BRWD3: variants seen among roughly 807,000 people sequenced by gnomAD.
BRWD3 encodes bromodomain and WD repeat domain containing 3.
A neutral mutation model predicts 149.7 loss-of-function variants in BRWD3; 10 were observed. That is an observed-to-expected ratio of 0.07 (90% CI 0.04 to 0.11). The LOEUF (loss-of-function observed/expected upper bound fraction) is 0.11, where lower values mean the gene tolerates loss of function less well. Ranked by LOEUF, BRWD3 falls within the 10% of genes least tolerant of loss-of-function variation. The probability of loss-of-function intolerance (pLI) is 1.00; values close to 1 mark genes in which losing one functional copy is unlikely to be tolerated. For missense variants in BRWD3, 940 were observed against 1,373.2 expected, an observed-to-expected ratio of 0.68 and a Z score of 4.99; for synonymous variants, 504 against 456.7, an observed-to-expected ratio of 1.10 and a Z score of -1.32.
chrX:80,725,751 CAT>C (rs1491334181), intron 14 of BRWD3, among the ~76,000 whole-genome samples: 1 of 107,924 alleles, frequency 9.3e-6, no homozygotes, highest in Non-Finnish European at 1.9e-5. Context: ...GCCTATATAA[CAT>C]ATAACATGTT....
At chrX:80,794,657 C>A (rs936573995) in intron 4 of BRWD3, among the ~76,000 whole-genome samples, 23 of 110,101 alleles carry the variant, frequency 2.1e-4, no homozygotes, top group African/African-American at 5.9e-4. Context: ...GAAACAGTCA[C>A]AAAATCAGCA....
intron 20 of BRWD3, chrX:80,710,633 G>A (rs878862673): frequency 1.7e-6 from 1 of 575,049 alleles, no homozygotes; most frequent in South Asian, 2.2e-5. Flanking sequence ...TTGAAGAAAG[G>A]CCACAGAGAA....
rs776337491 is a variant in BRWD3, at chrX:80,691,885, G to GCCC, written c.3416_3418dup (p.Gly1139dup). On this transcript the variant is annotated inframe_insertion, in exon 30 of 41. Coordinates refer to ENST00000373275, the MANE Select transcript of BRWD3 (RefSeq NM_153252.5). ...TTCACATTCTTCGTCTCTGGAATGAGCCCCCCACTCTCCTTCCTGGGGTTT... is the reference window on the plus strand; with the variant it reads ...TTCACATTCTTCGTCTCTGGAATGAGCCCCCCCCCACTCTCCTTCCTGGGGTTT... 1 of 1,210,162 alleles carries GCCC rather than the reference G, an allele frequency of 8.3e-7. No homozygotes were observed. Among genetic ancestry groups the GCCC allele is most frequent in the Admixed American group, 2.2e-5 (1 of 45,787 alleles).
intron 8 of BRWD3, among the ~76,000 whole-genome samples, chrX:80,742,408 C>CCG (rs1346003830): frequency 1.3e-4 from 8 of 59,313 alleles, no homozygotes; most frequent in African/African-American, 4.7e-4. Flanking sequence ...TTTTTTGGTT[C>CCG]TGTAGTTTTT....
intron 8 of BRWD3, among the ~76,000 whole-genome samples, chrX:80,740,508 G>A (rs1036965805): frequency 1.8e-5 from 2 of 112,209 alleles, no homozygotes; most frequent in African/African-American, 6.5e-5. Flanking sequence ...AATTTGGGAA[G>A]CCAAAGCCAG....
At chrX:80,712,882 C>T (rs866450052) in intron 20 of BRWD3, among the ~76,000 whole-genome samples, 8 of 94,341 alleles carry the variant, frequency 8.5e-5, no homozygotes, top group Admixed American at 4.4e-4. Context: ...GCAACTGCCC[C>T]GTCTGAGAAG....
Position 80,677,182 on chromosome X carries a change from A to T in BRWD3, c.4836T>A (p.Ser1612Arg). The change falls in exon 41 of 41, where the codon AGT (serine) becomes AGA (arginine). Residue 1612 changes from serine to arginine, a missense_variant. Ser to Arg is a moderately radical substitution (Grantham distance 110). Transcript: ENST00000373275. ...AACCACAGGTACTTTCAGAACTTAAACTGGATCCTAACTCTCCACTCTCTG... is the reference window on the plus strand; with the variant it reads ...AACCACAGGTACTTTCAGAACTTAATCTGGATCCTAACTCTCCACTCTCTG... Reference protein sequence around the residue: ...STSESGELGSSLSSESTCGSD... With the variant: ...STSESGELGSRLSSESTCGSD... 8.3e-6 allele frequency: 10 copies of T among 1,211,300 alleles called. No homozygotes were observed. The highest frequency in any genetic ancestry group is 3.5e-5 in the African/African-American group (2 of 57,744).
rs939132287 is a variant in BRWD3, at chrX:80,673,775, C to T, written c.*2834G>A. On this transcript the variant is annotated 3_prime_UTR_variant, in exon 41 of 41. Coordinates refer to ENST00000373275, the MANE Select transcript of BRWD3 (RefSeq NM_153252.5). ...AGGTTTATACATGTATATGCTCTCA[C>T]GGGCCTAAATATAACAGTGTTTTTT... 1 of 111,570 alleles carries T rather than the reference C, an allele frequency of 9.0e-6. No individual in the cohort carries two copies. Among genetic ancestry groups the T allele is most frequent in the Non-Finnish European group, 1.9e-5 (1 of 52,980 alleles). The allele number at this position is 111,570 out of a possible 1,213,427, so 9.2% of individuals were successfully genotyped here.
At chrX:80,681,684 C>T (rs536959824) in intron 39 of BRWD3, among the ~76,000 whole-genome samples, 185 bp from the exon 40 acceptor site, 16 of 111,544 alleles carry the variant, frequency 1.4e-4, no homozygotes, top group South Asian at 7.5e-4. Context: ...TGTCCAATTG[C>T]TCATCATAAA....
intron 6 of BRWD3, among the ~76,000 whole-genome samples, chrX:80,751,728 C>A (rs984248739): frequency 9.1e-6 from 1 of 110,178 alleles, no homozygotes; most frequent in African/African-American, 3.3e-5. Context: ...ACAGCCTCAC[C>A]CTTCTGAGTC....
In BRWD3 at chrX:80,729,936, G is replaced by A. The variant is rs2073302313; in HGVS notation, c.1212C>T (p.Asp404=). The A allele has an allele frequency of 1.5e-5, 18 of 1,195,772 alleles. No homozygotes were observed. The highest frequency in any genetic ancestry group is 2.2e-5 in the Admixed American group (1 of 45,702). Reference sequence around the variant, plus strand: ...CTTACCCAGTCATTTTAGTAGCCATGTCTAGCACTATACTCTTCCATTCTT... The same window carrying A: ...CTTACCCAGTCATTTTAGTAGCCATATCTAGCACTATACTCTTCCATTCTT... ...QQQEWKSIVL[D]MATKMTGNNL... The change falls in exon 13 of 41, where the codon GAC becomes GAT. Residue 404 remains aspartate (D), a synonymous_variant. Transcript: ENST00000373275.
chrX:80,682,681 G>T, intron 37 of BRWD3, 53 bp from the exon 38 acceptor site: 5 of 1,094,181 alleles, frequency 4.6e-6, no homozygotes, highest in Non-Finnish European at 6.3e-6. Flanking sequence ...TTAAAAAAAG[G>T]TATAAACATG....
intron 4 of BRWD3, among the ~76,000 whole-genome samples, chrX:80,803,567 A>T (rs1349040898): frequency 8.9e-6 from 1 of 111,819 alleles, no homozygotes; most frequent in Non-Finnish European, 1.9e-5. Flanking sequence ...CAAGCAAGTC[A>T]GTAGTCAGGA....
chrX:80,713,908 T>C (rs2073035371), intron 20 of BRWD3, among the ~76,000 whole-genome samples: 2 of 111,839 alleles, frequency 1.8e-5, no homozygotes, highest in Admixed American at 1.9e-4. Flanking sequence ...AGCGGTTTTA[T>C]TTAACTCTAT....
intron 15 of BRWD3, among the ~76,000 whole-genome samples, chrX:80,724,105 A>G (rs751446058): frequency 1.1e-3 from 126 of 112,136 alleles, no homozygotes; most frequent in Middle Eastern, 4.6e-3. Flanking sequence ...GACATACCTC[A>G]TGAAATACTA....
At chrX:80,789,606 GACCTCGTGATCC>G (rs1227528233) in intron 6 of BRWD3, among the ~76,000 whole-genome samples, 1 of 110,067 alleles carries the variant, frequency 9.1e-6, no homozygotes, top group Non-Finnish European at 1.9e-5. Context: ...TCGATCTCCT[GACCTCGTGATCC>G]ACCCACCTCG....
intron 6 of BRWD3, among the ~76,000 whole-genome samples, chrX:80,749,238 C>T (rs1015935254): frequency 1.8e-5 from 2 of 111,631 alleles, no homozygotes; most frequent in African/African-American, 6.5e-5. Flanking sequence ...GATTTTCTGT[C>T]TACATAATCT....
intron 27 of BRWD3, among the ~76,000 whole-genome samples, chrX:80,694,944 G>A (rs750902455): frequency 8.1e-5 from 9 of 110,878 alleles, no homozygotes; most frequent in Non-Finnish European, 1.7e-4. Flanking sequence ...GATTTGGGAG[G>A]TGCCAGGGGC....
intron 4 of BRWD3, among the ~76,000 whole-genome samples, chrX:80,807,949 G>C: frequency 9.0e-6 from 1 of 110,680 alleles, no homozygotes; most frequent in Non-Finnish European, 1.9e-5. Context: ...TTACCTAACC[G>C]GCAAAATTTG....
Sources: gnomAD v4.1 joint callset for allele counts (sites outside exome capture counted in the v4.1 genomes callset) on GRCh38, gnomAD v4.1.1 for gene constraint, MANE v1.5 for transcripts, NCBI Gene and HGNC (gene_info 2026-07-23, HGNC 2026-07-21) for gene names.